The following ZNF708 variants were observed in gnomAD, a reference collection of about 807,000 sequenced individuals.
ZNF708 encodes zinc finger protein 708, also known as ZNF15, ZNF15L1.
ZNF708 carries 44 observed loss-of-function variants against 47.0 expected under a neutral mutation model. That is an observed-to-expected ratio of 0.94 (90% CI 0.74 to 1.20). The LOEUF (loss-of-function observed/expected upper bound fraction) is 1.20. Among genes scored for constraint, ZNF708 ranks in the 50% most tolerant of loss-of-function variants. The probability of loss-of-function intolerance (pLI) is 0.00; values close to 1 mark genes in which losing one functional copy is unlikely to be tolerated. For synonymous variants in ZNF708, 184 were observed against 218.5 expected (o/e 0.84, Z 1.39); for missense variants, 557 against 656.0 (o/e 0.85, Z 1.65).
Position 21,308,088 on chromosome 19 carries a change from A to G in ZNF708, c.226+1158T>C, listed in dbSNP as rs568691354. Among the ~76,000 whole-genome samples the G allele has an allele frequency of 4.6e-5, 7 of 152,140 alleles. No homozygotes were observed. The East Asian group carries it at 1.4e-3, about 29-fold the overall frequency. On this transcript the variant is annotated intron_variant, in intron 3 of 3. Coordinates refer to ENST00000356929, the MANE Select transcript of ZNF708 (RefSeq NM_021269.3). ...TTACAATAAAAGATATAAGATTTCA[A>G]TGATGAAATCAGAGAAGACACAAGT...
intron 3 of ZNF708, among the ~76,000 whole-genome samples, chr19:21,298,746 T>A (rs1378271845): frequency 6.6e-6 from 1 of 152,162 alleles, no homozygotes; most frequent in Non-Finnish European, 1.5e-5. Context: ...TATGGTCATA[T>A]AAAGAGTCAT....
chr19:21,320,173 C>A (rs1223775354), intron 1 of ZNF708, among the ~76,000 whole-genome samples: 8 of 151,196 alleles, frequency 5.3e-5, no homozygotes, highest in Admixed American at 1.3e-4. Flanking sequence ...AAGACTCAGT[C>A]AAAAAAAAGC....
At chr19:21,300,691 C>T (rs753218823) in intron 3 of ZNF708, among the ~76,000 whole-genome samples, 52 of 151,870 alleles carry the variant, frequency 3.4e-4, no homozygotes, top group African/African-American at 1.1e-3. Flanking sequence ...GACAGAGTCT[C>T]GCTCTGTCTC....
chr19:21,326,869 G>A (rs1039976276), intron 1 of ZNF708, among the ~76,000 whole-genome samples: 5 of 152,160 alleles, frequency 3.3e-5, no homozygotes, highest in African/African-American at 1.2e-4. Context: ...GGGAGGCAGA[G>A]GTTGCAGTGA....
chr19:21,309,457 C>A, intron 2 of ZNF708, 116 bp from the exon 3 acceptor site: 1 of 1,020,612 alleles, frequency 9.8e-7, no homozygotes, highest in East Asian at 3.9e-5. Context: ...CTGGTAATCC[C>A]AGCACTCTGA....
At chr19:21,325,039 T>G (rs570041368) in intron 1 of ZNF708, among the ~76,000 whole-genome samples, 32 of 152,064 alleles carry the variant, frequency 2.1e-4, no homozygotes, top group African/African-American at 7.7e-4. Flanking sequence ...CCATAAAAAA[T>G]ACACCTGACA....
intron 3 of ZNF708, among the ~76,000 whole-genome samples, chr19:21,305,447 A>AT (rs143411076): frequency 0.016 from 2,429 of 149,808 alleles, 68 homozygotes; most frequent in African/African-American, 0.051. Context: ...AATATAGTTT[A>AT]TTTTTTTATT....
chr19:21,322,653 A>G (rs1387423983), intron 1 of ZNF708, among the ~76,000 whole-genome samples: 4 of 152,182 alleles, frequency 2.6e-5, no homozygotes, highest in Non-Finnish European at 5.9e-5. Flanking sequence ...GGGAGAACTG[A>G]AATCACAGGA....
intron 3 of ZNF708, among the ~76,000 whole-genome samples, chr19:21,302,514 A>G (rs912973374): frequency 6.6e-5 from 10 of 152,006 alleles, no homozygotes; most frequent in Non-Finnish European, 1.3e-4. Flanking sequence ...ACTGCCCAAC[A>G]TGGCAAAAAC....
Position 21,293,515 on chromosome 19 carries a change from CT to C in ZNF708, c.1450del (p.Ser484AlafsTer13). On this transcript the variant is annotated frameshift_variant, in exon 4 of 4. Coordinates refer to ENST00000356929, the MANE Select transcript of ZNF708 (RefSeq NM_021269.3). LOFTEE classifies it high-confidence loss of function. Reference sequence around the variant, plus strand: ...AGTAAGATGAGAGGACAGAATAAAGCTTTTGCCACATTCTTCACACTTATAG... The same window carrying C: ...AGTAAGATGAGAGGACAGAATAAAGCTTTGCCACATTCTTCACACTTATAG... Reference protein sequence around the residue: ...KPYKCEECGKSFILSSHLTTH... With the variant: ...KPYKCEECGKXFILSSHLTTH... 6.2e-7 allele frequency: 1 copy of C among 1,610,124 alleles called. No individual in the cohort carries two copies. Among genetic ancestry groups the C allele is most frequent in the Non-Finnish European group, 8.5e-7 (1 of 1,178,872 alleles).
At chr19:21,307,622 G>A (rs1000352718) in intron 3 of ZNF708, among the ~76,000 whole-genome samples, 10 of 149,880 alleles carry the variant, frequency 6.7e-5, no homozygotes, top group East Asian at 1.9e-4. Flanking sequence ...ACTCAGTTTC[G>A]GAAAAAAAAA....
At chr19:21,312,591 A>C (rs1202794834) in intron 1 of ZNF708, among the ~76,000 whole-genome samples, 1 of 152,198 alleles carries the variant, frequency 6.6e-6, no homozygotes, top group Non-Finnish European at 1.5e-5. Flanking sequence ...GCTGATAACC[A>C]CTTAGCCAAG....
intron 3 of ZNF708, among the ~76,000 whole-genome samples, chr19:21,305,046 C>G (rs937236845): frequency 1.3e-5 from 2 of 151,792 alleles, no homozygotes; most frequent in African/African-American, 2.4e-5. Context: ...GAGTCTCGCT[C>G]TGTTGCCAGG....
At chr19:21,295,669 C>T (rs958502459) in intron 3 of ZNF708, among the ~76,000 whole-genome samples, 3 of 151,894 alleles carry the variant, frequency 2.0e-5, no homozygotes, top group African/African-American at 4.8e-5. Context: ...CGCTTGAACT[C>T]GGGAGGCAGA....
chr19:21,301,705 G>A (rs1972663583), intron 3 of ZNF708, among the ~76,000 whole-genome samples: 2 of 152,156 alleles, frequency 1.3e-5, no homozygotes, highest in Admixed American at 1.3e-4. Context: ...GCTGAGGCAG[G>A]AGAATCACTT....
chr19:21,297,254 ATATATATATATATATATTTTTTTTTTTTT>A (rs1487122123), intron 3 of ZNF708, among the ~76,000 whole-genome samples: 4 of 13,264 alleles, frequency 3.0e-4, no homozygotes, highest in East Asian at 1.5e-3. Flanking sequence ...GTATATATAT[ATATATATATATATATATTTTTTTTTTTTT>A]TTTTTTTTTT....
chr19:21,327,304 C>T (rs1053553860), intron 1 of ZNF708, among the ~76,000 whole-genome samples: 6 of 151,796 alleles, frequency 4.0e-5, no homozygotes, highest in African/African-American at 9.7e-5. Context: ...CCGAGGCGGG[C>T]GGATCACCTG....
intron 3 of ZNF708, among the ~76,000 whole-genome samples, chr19:21,300,216 A>C (rs1972627069): frequency 6.6e-6 from 1 of 151,780 alleles, no homozygotes; most frequent in Non-Finnish European, 1.5e-5. Flanking sequence ...CGTCTCAAAA[A>C]AAAAAAAAAA....
At chr19:21,299,940 T>C (rs1972620318) in intron 3 of ZNF708, among the ~76,000 whole-genome samples, 1 of 152,100 alleles carries the variant, frequency 6.6e-6, no homozygotes, top group African/African-American at 2.4e-5. Flanking sequence ...TAGAAGAATT[T>C]CTAACACTAT....
Sources: gnomAD v4.1 joint callset for allele counts (sites outside exome capture counted in the v4.1 genomes callset) on GRCh38, gnomAD v4.1.1 for gene constraint, MANE v1.5 for transcripts, NCBI Gene and HGNC (gene_info 2026-07-23, HGNC 2026-07-21) for gene names.